Variants in NOL8 observed in about 807,000 individuals in gnomAD.
NOL8 encodes the protein nucleolar protein Nop132.
NOL8 carries 93 observed loss-of-function variants against 116.1 expected under a neutral mutation model. The observed-to-expected ratio is 0.80, with a 90% confidence interval of 0.68 to 0.95. The LOEUF (loss-of-function observed/expected upper bound fraction) is 0.95, where lower values mean the gene tolerates loss of function less well. Among genes scored for constraint, NOL8 ranks in the 40% least tolerant of loss-of-function variants. The pLI, the probability that NOL8 is intolerant of heterozygous loss-of-function variation, is 0.00. For missense variants in NOL8, 1,291 were observed against 1,382.8 expected, an observed-to-expected ratio of 0.93 and a Z score of 1.05; for synonymous variants, 419 against 469.0, an observed-to-expected ratio of 0.89 and a Z score of 1.38.
chr9:92,314,450 C>A lies in NOL8; in HGVS notation c.2175G>T (p.Lys725Asn), dbSNP rs1035982427. The A allele has an allele frequency of 1.9e-6, 3 of 1,612,768 alleles. No homozygotes were observed. Among genetic ancestry groups the A allele is most frequent in the Non-Finnish European group, 1.7e-6 (2 of 1,178,928 alleles). Residue 725 changes from lysine to asparagine, a missense_variant, in exon 7 of 17, where the codon AAG (lysine) becomes AAT (asparagine). Lys to Asn is a moderately conservative substitution (Grantham distance 94, BLOSUM62 0). Transcript: ENST00000442668. ...TTTCCCGAGTGTCCTTGGATGAGACCTTTGGTGATTTCTTGAGAGATGTGA... is the reference window on the plus strand; with the variant it reads ...TTTCCCGAGTGTCCTTGGATGAGACATTTGGTGATTTCTTGAGAGATGTGA... ...SGLTSLKKSPKVSSKDTREIK... is the reference protein window; with the variant it reads ...SGLTSLKKSPNVSSKDTREIK...
In NOL8 at chr9:92,310,249, G is replaced by C. The variant is rs200789539; in HGVS notation, c.2608C>G (p.Gln870Glu). The C allele has an allele frequency of 1.2e-6, 2 of 1,607,276 alleles. No homozygotes were observed. The highest frequency in any genetic ancestry group is 3.4e-5 in the Admixed American group (2 of 58,956). The change falls in exon 10 of 17, where the codon CAG (glutamine) becomes GAG (glutamate). Residue 870 changes from glutamine to glutamate, a missense_variant. Physicochemically the swap from Gln to Glu is conservative, Grantham distance 29. Coordinates refer to ENST00000442668, the MANE Select transcript of NOL8 (RefSeq NM_017948.6). ...GRAGQKLMDL[Q>E]SHFGTDDRFR... ...CTGTCATCGGTGCCAAAGTGCGACT[G>C]TAAATCCATGAGCTACACAGACAGA...
chr9:92,318,033 C>CAAAAAAAAAAAAA (rs745928872), intron 6 of NOL8, among the ~76,000 whole-genome samples: 3 of 34,596 alleles, frequency 8.7e-5, no homozygotes, highest in African/African-American at 3.5e-4. Context: ...GACTCCATCT[C>CAAAAAAAAAAAAA]AAAAAAAAAA....
In NOL8 at chr9:92,314,725, T is replaced by C. The variant is rs1587985626; in HGVS notation, c.1900A>G (p.Lys634Glu). The C allele has an allele frequency of 3.1e-6, 5 of 1,613,882 alleles. No homozygotes were observed. In the East Asian group the frequency reaches 1.1e-4, roughly 36 times the overall value. Residue 634 changes from lysine (K) to glutamate (E), a missense_variant, in exon 7 of 17, where the codon AAG becomes GAG. Transcript: ENST00000442668. ...LGEVTPCQHA[K>E]KANGPNYIQP... ...ATATAGTTTGGGCCATTCGCCTTCT[T>C]TGCATGTTGGCATGGAGTCACTTCA... is the stretch of plus-strand genomic sequence containing the variant.
chr9:92,312,827 C>CAA (rs35089570), intron 7 of NOL8, among the ~76,000 whole-genome samples: 2,894 of 55,074 alleles, frequency 0.053, 72 homozygotes, highest in Middle Eastern at 0.07. Flanking sequence ...AACTCCATCT[C>CAA]AAAAAAAAAA....
At chr9:92,305,998 A>C (rs1331543457) in intron 11 of NOL8, among the ~76,000 whole-genome samples, 168 bp from the exon 12 acceptor site, 1 of 152,154 alleles carries the variant, frequency 6.6e-6, no homozygotes, top group African/African-American at 2.4e-5. Context: ...TAACATATAC[A>C]TAGATTTTTC....
rs371775904 is a variant in NOL8, at chr9:92,306,925, T to C, written c.2786A>G (p.Asn929Ser). Residue 929 changes from asparagine (N) to serine (S), a missense_variant, in exon 11 of 17, where the codon AAT (asparagine) becomes AGT (serine). Asn to Ser is a conservative substitution (Grantham distance 46). Transcript: ENST00000442668. Reference protein sequence around the residue: ...VQSVLQINLSNSTNRGSVAAK... With the variant: ...VQSVLQINLSSSTNRGSVAAK... ...AGCTACTGATCCTCTGTTTGTAGAA[T>C]TGCTTAAGTTGATTTGCAAAACACT... 14 of 1,613,184 alleles carry C rather than the reference T, an allele frequency of 8.7e-6. No individual in the cohort carries two copies. In the African/African-American group the frequency reaches 9.3e-5, roughly 11 times the overall value.
intron 7 of NOL8, among the ~76,000 whole-genome samples, chr9:92,312,735 G>A (rs909420182): frequency 1.3e-5 from 2 of 148,984 alleles, no homozygotes; most frequent in African/African-American, 5.0e-5. Context: ...GCTGAGGCAG[G>A]AGAATTGCTT....
At chr9:92,323,216 G>C in intron 3 of NOL8, 1 of 1,228,008 alleles carries the variant, frequency 8.1e-7, no homozygotes, top group Non-Finnish European at 1.1e-6. Context: ...TTTGAGAATA[G>C]CAGTTTTAAG....
chr9:92,322,543 G>C (rs552925674), intron 3 of NOL8, among the ~76,000 whole-genome samples: 1 of 152,158 alleles, frequency 6.6e-6, no homozygotes, highest in Non-Finnish European at 1.5e-5. Flanking sequence ...TTTTAGTAAA[G>C]ATGGGGTTTC....
intron 10 of NOL8, among the ~76,000 whole-genome samples, 163 bp downstream of exon 10, chr9:92,310,008 T>A (rs1218337430): frequency 1.3e-5 from 2 of 152,378 alleles, no homozygotes; most frequent in South Asian, 4.1e-4. Context: ...TAAATTACTA[T>A]GTACAAACAA....
Position 92,315,207 on chromosome 9 carries a change from T to G in NOL8, c.1418A>C (p.Glu473Ala), listed in dbSNP as rs1383654345. The G allele has an allele frequency of 1.2e-6, 2 of 1,613,850 alleles. No individual in the cohort carries two copies. The highest frequency in any genetic ancestry group is 2.7e-5 in the African/African-American group (2 of 74,940). Residue 473 changes from glutamate to alanine, a missense_variant, in exon 7 of 17, where the codon GAG becomes GCG. Glu to Ala is a moderately radical substitution (Grantham distance 107). Coordinates refer to ENST00000442668, the MANE Select transcript of NOL8 (RefSeq NM_017948.6). ...GCAGTTTTTCATCATGGCATTATAC[T>G]CCTCACCTCCTTCAGAGTCAGCTAA... ...SELADSEGGE[E>A]YNAMMKNCLR... is the part of the protein sequence containing the mutation.
intron 13 of NOL8, 145 bp from the exon 14 acceptor site, chr9:92,300,161 ATAGG>A (rs1239057660): frequency 1.1e-5 from 15 of 1,348,316 alleles, no homozygotes; most frequent in East Asian, 5.6e-5. Flanking sequence ...TATCAAAAAA[ATAGG>A]TAGTATCATC....
Position 92,319,332 on chromosome 9 carries a change from T to C in NOL8, c.306A>G (p.Ala102=), listed in dbSNP as rs1250565331. 1.3e-6 allele frequency: 2 copies of C among 1,592,488 alleles called. No homozygotes were observed. Among genetic ancestry groups the C allele is most frequent in the Admixed American group, 3.6e-5 (2 of 55,176 alleles). The stretch of plus-strand genomic sequence containing the variant: ...TTGTTGATTCTTCTTTCTTAGCTTT[T>C]GCTGCTTCTCTCTCTTGGGCCAATC... ...LHRLAQEREA[A]KAKKEESTTG... is the part of the protein sequence containing the mutation. Residue 102 remains alanine, a synonymous_variant, in exon 5 of 17, where the codon GCA becomes GCG. Transcript: ENST00000442668.
intron 3 of NOL8, chr9:92,323,064 T>G: frequency 4.9e-6 from 1 of 205,568 alleles, no homozygotes; most frequent in Non-Finnish European, 9.9e-6. Flanking sequence ...CAAGGGTGTA[T>G]TTTAAAGCCC....
chr9:92,310,528 C>T, intron 9 of NOL8, 25 bp downstream of exon 9: 1 of 1,577,862 alleles, frequency 6.3e-7, no homozygotes, highest in South Asian at 1.2e-5. Flanking sequence ...TGCTGCAAGT[C>T]TAATTATTTT....
At chr9:92,299,041 CATAA>C in intron 14 of NOL8, 87 bp from the exon 15 acceptor site, 2 of 586,016 alleles carry the variant, frequency 3.4e-6, no homozygotes, top group Non-Finnish European at 5.7e-6. Context: ...ACATTCAAAA[CATAA>C]ATACACTATT....
intron 12 of NOL8, among the ~76,000 whole-genome samples, chr9:92,302,024 A>G (rs1027774650): frequency 2.6e-5 from 4 of 152,228 alleles, no homozygotes; most frequent in Non-Finnish European, 5.9e-5. Context: ...AATCTTGATC[A>G]ATAAGCTTTT....
At chr9:92,300,483 A>G (rs1837640385) in intron 13 of NOL8, 10 of 989,126 alleles carry the variant, frequency 1.0e-5, no homozygotes, top group South Asian at 9.2e-5. Flanking sequence ...AACTACTGCT[A>G]TAAGATCAGG....
intron 4 of NOL8, 140 bp downstream of exon 4, chr9:92,321,528 T>C (rs1839922701): frequency 1.7e-6 from 1 of 589,838 alleles, no homozygotes; most frequent in Non-Finnish European, 2.9e-6. Flanking sequence ...GATTCAGAGT[T>C]GAAAGGGATT....
Sources: allele counts gnomAD v4.1 joint callset (sites outside exome capture counted in the v4.1 genomes callset), GRCh38; gene constraint gnomAD v4.1.1; transcripts MANE v1.5; gene names NCBI Gene and HGNC (gene_info 2026-07-23, HGNC 2026-07-21).